Variants in RBFOX1 observed in about 807,000 individuals in gnomAD.
The protein encoded by RBFOX1 is RNA binding fox-1 homolog 1.
RBFOX1 carries 8 observed loss-of-function variants against 57.7 expected under a neutral mutation model. The ratio of observed to expected loss-of-function variants is 0.14; its 90% CI spans 0.08 to 0.25. The LOEUF is 0.25. Ranked by LOEUF, RBFOX1 falls within the 10% of genes least tolerant of loss-of-function variation. RBFOX1 has a pLI of 1.00. For synonymous variants in RBFOX1, 326 were observed against 222.4 expected, an observed-to-expected ratio of 1.47 and a Z score of -4.15; for missense variants, 611 against 548.5, an observed-to-expected ratio of 1.11 and a Z score of -1.14.
chr16:5,891,967 C>G (rs1284949772), intron 4 of RBFOX1, among the ~76,000 whole-genome samples: 4 of 152,216 alleles, frequency 2.6e-5, no homozygotes, highest in African/African-American at 7.2e-5. Context: ...CAAACTCTCA[C>G]TTACTGCCCT....
intron 4 of RBFOX1, among the ~76,000 whole-genome samples, chr16:7,377,021 C>A (rs1034895808): frequency 2.6e-5 from 4 of 152,078 alleles, no homozygotes; most frequent in African/African-American, 7.2e-5. Flanking sequence ...TCCATAGGTC[C>A]CTGTAAAGAT....
At chr16:5,644,804 G>T (rs2048994100) in intron 3 of RBFOX1, among the ~76,000 whole-genome samples, 1 of 152,128 alleles carries the variant, frequency 6.6e-6, no homozygotes, top group Non-Finnish European at 1.5e-5. Context: ...TGGACATTTG[G>T]GTTATTTGTA....
chr16:7,055,300 A>G lies in RBFOX1; in HGVS notation c.27+3202A>G, dbSNP rs557598335. ...TGAGATCATATCAGTATTATCAGTT[A>G]AGATGCTATTATCTGTGAGTTATAG... On this transcript the variant is annotated intron_variant, in intron 4 of 15. Coordinates refer to ENST00000550418, the MANE Select transcript of RBFOX1 (RefSeq NM_018723.4). 2.0e-5 allele frequency among the ~76,000 whole-genome samples: 3 copies of G among 152,288 alleles called. No homozygotes were observed. In the South Asian group the frequency reaches 6.2e-4, roughly 32 times the overall value.
chr16:7,290,052 A>G (rs1046468680), intron 4 of RBFOX1, among the ~76,000 whole-genome samples: 4 of 152,224 alleles, frequency 2.6e-5, no homozygotes, highest in African/African-American at 9.6e-5. Flanking sequence ...TCCCAGGGTT[A>G]CATGGCACAC....
At chr16:6,952,865 T>A (rs553610701) in intron 3 of RBFOX1, among the ~76,000 whole-genome samples, 1 of 151,464 alleles carries the variant, frequency 6.6e-6, no homozygotes, top group Admixed American at 6.6e-5. Flanking sequence ...ATCCCAGCTA[T>A]TGGGGAGGCT....
At position 7,321,595 on chromosome 16, in the gene RBFOX1, A is replaced by G. The variant is rs117920960; in HGVS notation, c.28-196552A>G. Among the ~76,000 whole-genome samples the G allele has an allele frequency of 9.8e-3, 1,488 of 152,352 alleles. 15 individuals carry two copies. The highest frequency in any genetic ancestry group is 0.015 in the Non-Finnish European group (993 of 68,028). On this transcript the variant is annotated intron_variant, in intron 4 of 15. Transcript: ENST00000550418. The stretch of plus-strand genomic sequence containing the variant: ...CCACTCTGTGTCTTGTTTTCCTCAC[A>G]GTAATATGAAGATAGTCATAGGATT...
chr16:6,980,191 C>G (rs576327859), intron 3 of RBFOX1, among the ~76,000 whole-genome samples: 2 of 152,106 alleles, frequency 1.3e-5, no homozygotes, highest in African/African-American at 4.8e-5. Flanking sequence ...TTATTTGCAT[C>G]CAAAAGCAAT....
intron 1 of RBFOX1, among the ~76,000 whole-genome samples, chr16:6,161,415 A>G (rs2096878152): frequency 1.3e-5 from 2 of 151,072 alleles, no homozygotes. Flanking sequence ...AGGATTGATT[A>G]GTTCGTCAGT....
intron 4 of RBFOX1, among the ~76,000 whole-genome samples, chr16:7,124,702 A>G (rs1291865117): frequency 6.6e-6 from 1 of 151,874 alleles, no homozygotes; most frequent in Non-Finnish European, 1.5e-5. Context: ...CTCCCCACAT[A>G]CACAAAAAGA....
chr16:5,875,828 T>A (rs2057593949), intron 4 of RBFOX1, among the ~76,000 whole-genome samples: 1 of 151,622 alleles, frequency 6.6e-6, no homozygotes, highest in Non-Finnish European at 1.5e-5. Flanking sequence ...GTTTGGGGGA[T>A]GAATTAGAAG....
chr16:7,297,812 A>G (rs2095930563), intron 4 of RBFOX1, among the ~76,000 whole-genome samples: 1 of 152,154 alleles, frequency 6.6e-6, no homozygotes. Flanking sequence ...CAGAGTAAAA[A>G]TTGAAATCCC....
At chr16:7,706,912 C>G (rs1265462316) in intron 14 of RBFOX1, among the ~76,000 whole-genome samples, 1 of 152,150 alleles carries the variant, frequency 6.6e-6, no homozygotes, top group Non-Finnish European at 1.5e-5. Flanking sequence ...ATTATTTTAT[C>G]AAAAACTTTT....
At chr16:6,555,810 A>T (rs2097090079) in intron 2 of RBFOX1, among the ~76,000 whole-genome samples, 1 of 152,216 alleles carries the variant, frequency 6.6e-6, no homozygotes, top group South Asian at 2.1e-4. Flanking sequence ...ATTTAGGCAG[A>T]CTTGCCTATT....
chr16:7,355,110 C>A (rs2097192432), intron 4 of RBFOX1, among the ~76,000 whole-genome samples: 1 of 152,112 alleles, frequency 6.6e-6, no homozygotes, highest in Non-Finnish European at 1.5e-5. Flanking sequence ...CCGCTATCAC[C>A]CAAGCTTTGA....
intron 3 of RBFOX1, among the ~76,000 whole-genome samples, chr16:6,929,146 C>G (rs1330213308): frequency 1.3e-5 from 2 of 152,160 alleles, no homozygotes; most frequent in Non-Finnish European, 2.9e-5. Flanking sequence ...AAACACATCT[C>G]TTCTCCTGGA....
At chr16:5,887,586 T>C (rs1401890691) in intron 4 of RBFOX1, among the ~76,000 whole-genome samples, 1 of 152,128 alleles carries the variant, frequency 6.6e-6, no homozygotes, top group African/African-American at 2.4e-5. Flanking sequence ...TTCTTTTAAG[T>C]AGAGATGAGG....
At chr16:6,109,245 C>T (rs910092498) in intron 1 of RBFOX1, among the ~76,000 whole-genome samples, 1 of 152,200 alleles carries the variant, frequency 6.6e-6, no homozygotes, top group Non-Finnish European at 1.5e-5. Flanking sequence ...AAGAAAAATG[C>T]CTGCAGTGAA....
chr16:7,121,237 C>A (rs753917054), intron 4 of RBFOX1, among the ~76,000 whole-genome samples: 1 of 151,922 alleles, frequency 6.6e-6, no homozygotes, highest in East Asian at 1.9e-4. Flanking sequence ...CAAACTTATG[C>A]CACATAGTAC....
At chr16:5,265,286 C>G (rs1596337505) in intron 1 of RBFOX1, among the ~76,000 whole-genome samples, 1 of 152,138 alleles carries the variant, frequency 6.6e-6, no homozygotes, top group East Asian at 1.9e-4. Context: ...CTTGAAGAGA[C>G]ATTGATAAAA....
Sources: allele counts gnomAD v4.1 joint callset (sites outside exome capture counted in the v4.1 genomes callset), GRCh38; gene constraint gnomAD v4.1.1; transcripts MANE v1.5; gene names NCBI Gene and HGNC (gene_info 2026-07-23, HGNC 2026-07-21).